The following UBP1 variants were observed in gnomAD, a reference collection of about 807,000 sequenced individuals.
The protein encoded by UBP1 is upstream-binding protein 1.
Under a neutral mutation model 76.1 loss-of-function variants are expected in UBP1, and 22 were observed. That is an observed-to-expected ratio of 0.29 (90% CI 0.21 to 0.41). UBP1 has a LOEUF of 0.41. Ranked by LOEUF, UBP1 falls within the 10% of genes least tolerant of loss-of-function variation. The probability of loss-of-function intolerance (pLI) is 1.00; values close to 1 mark genes in which losing one functional copy is unlikely to be tolerated. For missense variants in UBP1, 436 were observed against 668.1 expected, an observed-to-expected ratio of 0.65 and a Z score of 3.83; for synonymous variants, 224 against 237.1, an observed-to-expected ratio of 0.94 and a Z score of 0.51.
chr3:33,400,262 C>T lies in UBP1; in HGVS notation c.1107G>A (p.Thr369=), dbSNP rs147751266. 8.7e-6 allele frequency: 14 copies of T among 1,600,816 alleles called. No individual in the cohort carries two copies. The highest frequency in any genetic ancestry group is 8.1e-5 in the African/African-American group (6 of 73,958). ...GCAGCCATTGCTGTGTTTCCTGGATCGTAGCTGAAGGCTGAATTTGCTATT... is the reference window on the plus strand; with the variant it reads ...GCAGCCATTGCTGTGTTTCCTGGATTGTAGCTGAAGGCTGAATTTGCTATT... The part of the protein sequence containing the change: ...TSGEQIQPSA[T]IQETQQWLLK... The change falls in exon 11 of 16, where the codon ACG becomes ACA. Residue 369 remains threonine, a synonymous_variant. Coordinates refer to ENST00000283629, the MANE Select transcript of UBP1 (RefSeq NM_014517.5).
At chr3:33,406,045 T>G (rs1227690600) in intron 8 of UBP1, among the ~76,000 whole-genome samples, 3 of 152,240 alleles carry the variant, frequency 2.0e-5, no homozygotes, top group South Asian at 2.1e-4. Flanking sequence ...GAGCTTTGAA[T>G]AAACTTATTG....
chr3:33,430,655 C>T (rs2045097625), intron 1 of UBP1, among the ~76,000 whole-genome samples: 1 of 152,142 alleles, frequency 6.6e-6, no homozygotes, highest in African/African-American at 2.4e-5. Flanking sequence ...TCTTGCTAGA[C>T]AGTCTTGTCA....
rs1210930262 is a variant in UBP1 at position 33,434,790 on chromosome 3, G to T, written c.113+4946C>A. On this transcript the variant is annotated intron_variant, in intron 1 of 15. Coordinates refer to ENST00000283629, the MANE Select transcript of UBP1 (RefSeq NM_014517.5). ...CAACCTCCACCTCCCGGGTTCAAGC[G>T]ATTCTCCTGCCTCAGCTTCCCGAGT... Among the ~76,000 whole-genome samples the T allele has an allele frequency of 2.1e-5, 3 of 143,896 alleles. No homozygotes were observed. The South Asian group carries it at 6.7e-4, about 32-fold the overall frequency. The allele number at this position is 143,896 out of a possible 152,430, so 94.4% of individuals were successfully genotyped here. A position where few individuals can be genotyped will look rare whatever the true frequency, so the allele number is the denominator to read the frequency against.
chr3:33,411,420 G>A (rs2044579398), intron 5 of UBP1, among the ~76,000 whole-genome samples, 161 bp downstream of exon 5: 1 of 151,990 alleles, frequency 6.6e-6, no homozygotes, highest in South Asian at 2.1e-4. Context: ...GTTTAAAATA[G>A]GGTGAACTTA....
intron 5 of UBP1, among the ~76,000 whole-genome samples, chr3:33,410,693 A>G (rs2044558900): frequency 6.6e-6 from 1 of 152,200 alleles, no homozygotes; most frequent in South Asian, 2.1e-4. Flanking sequence ...AACACAGAAT[A>G]ATGATATTAT....
At chr3:33,393,647 G>GT (rs1216260168) in intron 13 of UBP1, among the ~76,000 whole-genome samples, 193 bp from the exon 14 acceptor site, 1 of 152,024 alleles carries the variant, frequency 6.6e-6, no homozygotes, top group Non-Finnish European at 1.5e-5. Flanking sequence ...AATCTAAAAC[G>GT]TAAGAATACA....
chr3:33,410,862 A>G (rs1367078803), intron 5 of UBP1, among the ~76,000 whole-genome samples: 2 of 152,098 alleles, frequency 1.3e-5, no homozygotes, highest in Non-Finnish European at 2.9e-5. Flanking sequence ...ACTTGAGGTC[A>G]GGAGCTCAAG....
At position 33,416,759 on chromosome 3, in the gene UBP1, T is replaced by C. The variant is rs1386434840; in HGVS notation, c.341A>G (p.Lys114Arg). Reference sequence around the variant, plus strand: ...GGAATTAAAATGGACTGTCCTTACCTTTACTAATTTTCCATTGATCTCAGG... The same window carrying C: ...GGAATTAAAATGGACTGTCCTTACCCTTACTAATTTTCCATTGATCTCAGG... ...DMPEINGKLVKSIIRVVFHDR... is the reference protein window; with the variant it reads ...DMPEINGKLVRSIIRVVFHDR... The change falls in exon 3 of 16, where the codon AAG becomes AGG. Residue 114 changes from lysine to arginine, a missense_variant and splice_region_variant. This residue lies in a region of UBP1 where 161 missense variants were observed against 237.9 expected (regional missense o/e 0.68). Transcript: ENST00000283629. 6.2e-7 allele frequency: 1 copy of C among 1,611,940 alleles called. No individual in the cohort carries two copies. The highest frequency in any genetic ancestry group is 8.5e-7 in the Non-Finnish European group (1 of 1,178,350).
rs1322044019 is a variant in UBP1 at position 33,440,132 on chromosome 3, C to G, written c.-284G>C. The stretch of plus-strand genomic sequence containing the variant: ...CGGCGCCGCCGCCCAGCCCCCGCGC[C>G]GCTAGCGCTGCAGCCGCCGCCGACC... On this transcript the variant is annotated 5_prime_UTR_variant, in exon 1 of 16. Transcript: ENST00000283629. The G allele has an allele frequency of 4.5e-6, 1 of 224,004 alleles. No homozygotes were observed. Among genetic ancestry groups the G allele is most frequent in the African/African-American group, 2.3e-5 (1 of 42,926 alleles). The allele number at this position is 224,004 out of a possible 1,614,324, so 13.9% of individuals were successfully genotyped here.
intron 1 of UBP1, among the ~76,000 whole-genome samples, chr3:33,426,314 A>T (rs1377254926): frequency 3.3e-5 from 5 of 152,096 alleles, no homozygotes. Context: ...CAGGAGCAGC[A>T]GCAGTCGCAG....
chr3:33,405,456 A>C (rs1224566350), intron 8 of UBP1, among the ~76,000 whole-genome samples: 1 of 152,238 alleles, frequency 6.6e-6, no homozygotes, highest in African/African-American at 2.4e-5. Flanking sequence ...GCAGCTATTT[A>C]AATTTATGAT....
rs747317919 is a variant in UBP1, at chr3:33,393,477, A to C, written c.1391-23T>G. The C allele has an allele frequency of 2.0e-5, 32 of 1,588,924 alleles. No individual in the cohort carries two copies. The highest frequency in any genetic ancestry group is 5.4e-5 in the Admixed American group (3 of 55,298). On this transcript the variant is annotated intron_variant, in intron 13 of 15. Transcript: ENST00000283629. ...AAACTGAAATTAAAAAAAAAAAAAG[A>C]AAAGCATTTTAACAGTAATCTTTGA...
Position 33,412,836 on chromosome 3 carries a change from T to C in UBP1, c.343-9A>G, listed in dbSNP as rs769199861. 1 of 1,598,180 alleles carries C rather than the reference T, an allele frequency of 6.3e-7. No homozygotes were observed. Among genetic ancestry groups the C allele is most frequent in the Admixed American group, 1.7e-5 (1 of 60,002 alleles). ...ACAACCCTTATGATGCTCTGTGGAATAAGTGCGGAAAATGAGTACTTTTAA... is the reference window on the plus strand; with the variant it reads ...ACAACCCTTATGATGCTCTGTGGAACAAGTGCGGAAAATGAGTACTTTTAA... On this transcript the variant is annotated splice_polypyrimidine_tract_variant and intron_variant, in intron 3 of 15. Coordinates refer to ENST00000283629, the MANE Select transcript of UBP1 (RefSeq NM_014517.5).
At position 33,428,010 on chromosome 3, in the gene UBP1, C is replaced by G. The variant is rs769475482; in HGVS notation, c.114-2269G>C. 5.9e-5 allele frequency among the ~76,000 whole-genome samples: 9 copies of G among 152,088 alleles called. No homozygotes were observed. In the South Asian group the frequency reaches 1.7e-3, roughly 28 times the overall value. On this transcript the variant is annotated intron_variant, in intron 1 of 15. Coordinates refer to ENST00000283629, the MANE Select transcript of UBP1 (RefSeq NM_014517.5). ...GTTCGAGACATGGCGGGGGAAACCC[C>G]GTCTCTACTAAAAATACAAAAATTA...
Position 33,394,172 on chromosome 3 carries a change from C to G in UBP1, c.1391-718G>C, listed in dbSNP as rs149651620. ...GCTGGGACTATGGTGGGGGCACACG[C>G]CACCATGCCTGGCTAATTTTTATTA... is the stretch of plus-strand genomic sequence containing the variant. On this transcript the variant is annotated intron_variant, in intron 13 of 15. Transcript: ENST00000283629. 6.1e-5 allele frequency among the ~76,000 whole-genome samples: 9 copies of G among 148,642 alleles called. No individual in the cohort carries two copies. The East Asian group carries it at 1.8e-3, about 29-fold the overall frequency.
chr3:33,426,315 G>A (rs1477202503), intron 1 of UBP1, among the ~76,000 whole-genome samples: 1 of 152,040 alleles, frequency 6.6e-6, no homozygotes, highest in Non-Finnish European at 1.5e-5. Flanking sequence ...AGGAGCAGCA[G>A]CAGTCGCAGC....
At chr3:33,400,309 TA>T (rs1221072459) in intron 10 of UBP1, 27 bp from the exon 11 acceptor site, 3 of 1,540,768 alleles carry the variant, frequency 1.9e-6, no homozygotes, top group Non-Finnish European at 2.7e-6. Flanking sequence ...TGAACATAAA[TA>T]AAAGGAACCA....
At chr3:33,403,186 G>A (rs1263528412) in intron 8 of UBP1, 2 of 310,086 alleles carry the variant, frequency 6.4e-6, no homozygotes, top group Non-Finnish European at 1.2e-5. Flanking sequence ...AAGTATAATT[G>A]CTTTGAAGAG....
intron 9 of UBP1, among the ~76,000 whole-genome samples, chr3:33,401,235 T>G (rs781551033): frequency 6.6e-6 from 1 of 152,184 alleles, no homozygotes. Context: ...AATTTGTGCC[T>G]TCTTCATCTG....
Sources: gnomAD v4.1 joint callset for allele counts (sites outside exome capture counted in the v4.1 genomes callset) on GRCh38, gnomAD v4.1.1 for gene constraint, gnomAD v4.1.1 regional missense constraint, MANE v1.5 for transcripts, NCBI Gene and HGNC (gene_info 2026-07-23, HGNC 2026-07-21) for gene names.